Variants in PCDHA5 observed in about 807,000 individuals in gnomAD.
PCDHA5 encodes protocadherin alpha 5, also known as protocadherin alpha-5.
In PCDHA5, 43 loss-of-function variants were observed where a neutral mutation model predicts 61.6. The ratio of observed to expected loss-of-function variants is 0.70; its 90% CI spans 0.55 to 0.90. PCDHA5 has a LOEUF of 0.90. Among genes scored for constraint, PCDHA5 ranks in the 40% least tolerant of loss-of-function variants. The pLI is 0.00. For missense variants in PCDHA5, 1,298 were observed against 1,222.7 expected (o/e 1.06, Z -0.92); for synonymous variants, 627 against 543.9 (o/e 1.15, Z -2.13).
intron 1 of PCDHA5, chr5:140,836,474 C>A: frequency 6.2e-7 from 1 of 1,613,830 alleles, no homozygotes; most frequent in Non-Finnish European, 8.5e-7. Context: ...TGGATGTCAA[C>A]GTGTACCTGA....
chr5:140,847,462 G>A (rs2150400776), intron 1 of PCDHA5: 2 of 149,808 alleles, frequency 1.3e-5, no homozygotes, highest in African/African-American at 2.4e-5. Context: ...TTAATTAATC[G>A]ACTTGGACGT....
chr5:140,981,845 T>C (rs184071298), intron 2 of PCDHA5, among the ~76,000 whole-genome samples: 129 of 152,310 alleles, frequency 8.5e-4, no homozygotes, highest in Middle Eastern at 3.4e-3. Flanking sequence ...TCCCAGTTTG[T>C]ATCTCACTCC....
chr5:140,935,501 A>G (rs1337847677), intron 1 of PCDHA5, among the ~76,000 whole-genome samples: 1 of 152,250 alleles, frequency 6.6e-6, no homozygotes, highest in East Asian at 1.9e-4. Context: ...GCACATCCTT[A>G]CAAATGCCCA....
Position 140,871,064 on chromosome 5 carries a change from G to A in PCDHA5, c.2352+46937G>A, listed in dbSNP as rs369373152. The A allele has an allele frequency of 5.6e-6, 9 of 1,613,116 alleles. No individual in the cohort carries two copies. Among genetic ancestry groups the A allele is most frequent in the Middle Eastern group, 1.6e-4 (1 of 6,084 alleles). ...CTTCTAGTACTGGTGAAGGATCACG[G>A]TGAGCCGGCGCTGACGGCCACGGCC... On this transcript the variant is annotated intron_variant, in intron 1 of 3. Coordinates refer to ENST00000529859, the MANE Select transcript of PCDHA5 (RefSeq NM_018908.3).
chr5:140,907,883 G>GTGAA (rs2073669227), intron 1 of PCDHA5, among the ~76,000 whole-genome samples: 1 of 152,110 alleles, frequency 6.6e-6, no homozygotes, highest in Non-Finnish European at 1.5e-5. Flanking sequence ...CACTCACATG[G>GTGAA]GATACAAATA....
chr5:140,840,271 T>A (rs2150305298), intron 1 of PCDHA5, among the ~76,000 whole-genome samples: 3 of 152,098 alleles, frequency 2.0e-5, no homozygotes, highest in Non-Finnish European at 4.4e-5. Flanking sequence ...TTTTAATGAT[T>A]TGGGTTTTGG....
chr5:140,825,571 T>C (rs1196041650), intron 1 of PCDHA5: 1 of 151,826 alleles, frequency 6.6e-6, no homozygotes, highest in African/African-American at 2.4e-5. Flanking sequence ...ATTACAGGCA[T>C]GTGCCCACAC....
intron 1 of PCDHA5, among the ~76,000 whole-genome samples, chr5:140,943,277 AGAAAG>A (rs797041544): frequency 8.1e-4 from 104 of 129,164 alleles, no homozygotes; most frequent in African/African-American, 3.0e-3. Context: ...AAAAAAAAAA[AGAAAG>A]AAAGAATTAA....
intron 2 of PCDHA5, among the ~76,000 whole-genome samples, chr5:140,981,116 A>G (rs533489885): frequency 6.6e-6 from 1 of 152,344 alleles, no homozygotes; most frequent in African/African-American, 2.4e-5. Flanking sequence ...TCTACTGGAT[A>G]TGTTGTTTGA....
At chr5:140,829,858 A>C (rs2150176347) in intron 1 of PCDHA5, 8 of 1,613,912 alleles carry the variant, frequency 5.0e-6, no homozygotes, top group Admixed American at 1.7e-5. Flanking sequence ...GTGCAGGCCA[A>C]GTGGTGGCGA....
chr5:140,873,441 TAAC>T (rs1439420468), intron 1 of PCDHA5, among the ~76,000 whole-genome samples: 3 of 152,200 alleles, frequency 2.0e-5, no homozygotes, highest in Non-Finnish European at 2.9e-5. Context: ...ATCACATAAA[TAAC>T]AAATTTGCAT....
chr5:140,999,505 A>C (rs1221080631), intron 3 of PCDHA5, among the ~76,000 whole-genome samples: 3 of 152,134 alleles, frequency 2.0e-5, no homozygotes, highest in African/African-American at 7.2e-5. Flanking sequence ...AAGAACCTAC[A>C]TTTTAAGCAT....
intron 3 of PCDHA5, among the ~76,000 whole-genome samples, chr5:140,987,129 G>A (rs1281954011): frequency 1.3e-5 from 2 of 151,758 alleles, no homozygotes; most frequent in African/African-American, 4.8e-5. Flanking sequence ...CAGGAGAATT[G>A]CTTGAACTCG....
intron 1 of PCDHA5, chr5:140,857,068 G>A (rs2044345750): frequency 1.3e-6 from 2 of 1,596,170 alleles, no homozygotes; most frequent in Admixed American, 3.4e-5. Context: ...TGGAACTACT[G>A]GATGAAAATG....
At chr5:140,929,015 A>C (rs1563111690) in intron 1 of PCDHA5, 3 of 1,614,016 alleles carry the variant, frequency 1.9e-6, no homozygotes, top group African/African-American at 1.3e-5. Flanking sequence ...ACCAAGTTGC[A>C]CCAGAGCCCA....
intron 1 of PCDHA5, among the ~76,000 whole-genome samples, chr5:140,924,932 AAAAT>A (rs2082199458): frequency 7.6e-6 from 1 of 131,842 alleles, no homozygotes; most frequent in East Asian, 2.6e-4. Flanking sequence ...AAAATAAAAT[AAAAT>A]AAAAAGTTAA....
intron 1 of PCDHA5, among the ~76,000 whole-genome samples, chr5:140,953,598 T>C (rs1189793307): frequency 2.6e-5 from 4 of 152,188 alleles, no homozygotes; most frequent in South Asian, 2.1e-4. Context: ...CTTTTGTTTA[T>C]TCCCCAGAGT....
At chr5:140,834,416 C>A (rs2150217412) in intron 1 of PCDHA5, 5 of 1,611,158 alleles carry the variant, frequency 3.1e-6, no homozygotes, top group Admixed American at 1.7e-5. Context: ...ACCCAGGGGG[C>A]CGACATCTAC....
At chr5:140,830,022 G>C in intron 1 of PCDHA5, 1 of 1,613,860 alleles carries the variant, frequency 6.2e-7, no homozygotes, top group Non-Finnish European at 8.5e-7. Flanking sequence ...GACTCTCCGC[G>C]CCACCGGCTG....
Sources: gnomAD v4.1 joint callset for allele counts (sites outside exome capture counted in the v4.1 genomes callset) on GRCh38, gnomAD v4.1.1 for gene constraint, MANE v1.5 for transcripts, NCBI Gene and HGNC (gene_info 2026-07-23, HGNC 2026-07-21) for gene names.